Variants in CNTNAP4 observed in about 807,000 individuals in gnomAD.
CNTNAP4 encodes the protein contactin-associated protein-like 4.
In CNTNAP4, 98 loss-of-function variants were observed where a neutral mutation model predicts 148.4. That is an observed-to-expected ratio of 0.66 (90% CI 0.56 to 0.78). CNTNAP4 has a LOEUF of 0.78. CNTNAP4 is among the 30% of genes least tolerant of loss of function. CNTNAP4 has a pLI of 0.00. For synonymous variants in CNTNAP4, 730 were observed against 565.1 expected, an observed-to-expected ratio of 1.29 and a Z score of -4.14; for missense variants, 1,935 against 1,565.6, an observed-to-expected ratio of 1.24 and a Z score of -3.98.
At chr16:76,438,924 G>A (rs150895587) in intron 4 of CNTNAP4, among the ~76,000 whole-genome samples, 92 of 152,172 alleles carry the variant, frequency 6.0e-4, no homozygotes, top group African/African-American at 2.1e-3. Context: ...CTGTACATGT[G>A]TACATTTGTA....
chr16:76,395,356 C>T (rs372285039), intron 3 of CNTNAP4, among the ~76,000 whole-genome samples: 2 of 151,368 alleles, frequency 1.3e-5, no homozygotes, highest in African/African-American at 4.9e-5. Flanking sequence ...ACCTCTGCCT[C>T]CAGGGTTCAA....
chr16:76,399,695 AC>A (rs2078334686), intron 3 of CNTNAP4, among the ~76,000 whole-genome samples: 1 of 152,196 alleles, frequency 6.6e-6, no homozygotes, highest in Non-Finnish European at 1.5e-5. Flanking sequence ...ATCATTAAAA[AC>A]TGGTAATAGA....
chr16:76,462,044 T>A lies in CNTNAP4; in HGVS notation c.1422T>A (p.Ala474=). The A allele has an allele frequency of 6.2e-7, 1 of 1,613,860 alleles. No homozygotes were observed. The highest frequency in any genetic ancestry group is 2.2e-5 in the East Asian group (1 of 44,858). ...HLSVAVDGQM[A]SAAPLLGPEQ... Reference sequence around the variant, plus strand: ...GTGTGGCGGTGGACGGCCAGATGGCTTCTGCTGCTCCTCTGCTGGGGCCTG... The same window carrying A: ...GTGTGGCGGTGGACGGCCAGATGGCATCTGCTGCTCCTCTGCTGGGGCCTG... Residue 474 remains alanine (A), a synonymous_variant, in exon 9 of 24, where the codon GCT becomes GCA. Coordinates refer to ENST00000611870, the MANE Select transcript of CNTNAP4 (RefSeq NM_033401.5).
rs763592513 is a variant in CNTNAP4 at position 76,522,108 on chromosome 16, C to T, written c.2606C>T (p.Thr869Ile). The change falls in exon 17 of 24, where the codon ACC (threonine) becomes ATC (isoleucine). Residue 869 changes from threonine (T) to isoleucine (I), a missense_variant. Thr to Ile is a moderately conservative substitution (Grantham distance 89). Coordinates refer to ENST00000611870, the MANE Select transcript of CNTNAP4 (RefSeq NM_033401.5). ...TTTGAAATCTCAGTGCAGTCACCCA[C>T]CCACTTCAACGACAACCAGTGGCAC... ...GPFEISVQSPTHFNDNQWHHV... is the reference protein window; with the variant it reads ...GPFEISVQSPIHFNDNQWHHV... 14 of 1,613,788 alleles carry T rather than the reference C, an allele frequency of 8.7e-6. No homozygotes were observed. Among genetic ancestry groups the T allele is most frequent in the Non-Finnish European group, 1.1e-5 (13 of 1,179,862 alleles).
At chr16:76,345,223 G>T (rs1964804820) in intron 2 of CNTNAP4, among the ~76,000 whole-genome samples, 1 of 152,108 alleles carries the variant, frequency 6.6e-6, no homozygotes. Context: ...CCACTTATCA[G>T]GAAGAATTCC....
At chr16:76,306,692 G>A (rs186989053) in intron 1 of CNTNAP4, among the ~76,000 whole-genome samples, 2 of 152,232 alleles carry the variant, frequency 1.3e-5, no homozygotes, top group East Asian at 1.9e-4. Flanking sequence ...ACTAATTTTC[G>A]AGGTGGTGCA....
At chr16:76,463,942 C>G (rs2081080613) in intron 9 of CNTNAP4, among the ~76,000 whole-genome samples, 1 of 151,950 alleles carries the variant, frequency 6.6e-6, no homozygotes, top group Non-Finnish European at 1.5e-5. Context: ...ACTTAGGTAT[C>G]TCTGTTTATT....
intron 17 of CNTNAP4, among the ~76,000 whole-genome samples, chr16:76,531,247 G>T (rs1418627787): frequency 6.6e-6 from 1 of 152,088 alleles, no homozygotes; most frequent in Non-Finnish European, 1.5e-5. Context: ...TAATCTCAAA[G>T]GTCTTTCTGC....
intron 11 of CNTNAP4, among the ~76,000 whole-genome samples, chr16:76,477,566 G>T (rs991900953): frequency 1.3e-5 from 2 of 152,082 alleles, no homozygotes; most frequent in Non-Finnish European, 2.9e-5. Context: ...ATCATCAAGA[G>T]AATCTCTCAG....
rs148166920 is a variant in CNTNAP4, at chr16:76,346,200, C to T, written c.197-9118C>T. On this transcript the variant is annotated intron_variant, in intron 2 of 23. Coordinates refer to ENST00000611870, the MANE Select transcript of CNTNAP4 (RefSeq NM_033401.5). Reference sequence around the variant, plus strand: ...ATAATGCTATACGAATGTGTTCTAGCATTTTACTAATTGGGGAAATATTAA... The same window carrying T: ...ATAATGCTATACGAATGTGTTCTAGTATTTTACTAATTGGGGAAATATTAA... Among the ~76,000 whole-genome samples the T allele has an allele frequency of 8.7e-3, 1,326 of 152,208 alleles. 24 individuals are homozygous for T. Among genetic ancestry groups the T allele is most frequent in the African/African-American group, 0.03 (1,257 of 41,546 alleles).
At chr16:76,417,669 C>A (rs932173219) in intron 3 of CNTNAP4, among the ~76,000 whole-genome samples, 7 of 151,458 alleles carry the variant, frequency 4.6e-5, no homozygotes, top group African/African-American at 1.7e-4. Context: ...AATGATCTTA[C>A]TTCTTTTATT....
Position 76,482,775 on chromosome 16 carries a change from GCACTGCAGGTGCTTCTCATCCAGTGCAAC to G in CNTNAP4, c.1882+3243_1882+3271del, listed in dbSNP as rs1473485805. ...CCTGTGCAGTACAAATGCCCAGACA[GCACTGCAGGTGCTTCTCATCCAGTGCAAC>G]CACTGAGTTGGGCCAATGGAAATAA... On this transcript the variant is annotated intron_variant, in intron 12 of 23. Transcript: ENST00000611870. Among the ~76,000 whole-genome samples the G allele has an allele frequency of 2.4e-4, 37 of 152,168 alleles. 1 individual carries two copies. Among genetic ancestry groups the G allele is most frequent in the Non-Finnish European group, 2.1e-4 (14 of 68,036 alleles).
chr16:76,442,481 T>A (rs1309302679), intron 4 of CNTNAP4, among the ~76,000 whole-genome samples: 1 of 151,978 alleles, frequency 6.6e-6, no homozygotes, highest in Non-Finnish European at 1.5e-5. Flanking sequence ...AAAATAGAGG[T>A]TTATTTAGCT....
chr16:76,515,354 C>A (rs921702448), intron 15 of CNTNAP4, among the ~76,000 whole-genome samples: 4 of 152,098 alleles, frequency 2.6e-5, no homozygotes, highest in Admixed American at 2.6e-4. Flanking sequence ...TTAAGGAGAT[C>A]ATTAAGGTAA....
intron 6 of CNTNAP4, 27 bp from the exon 7 acceptor site, chr16:76,449,688 A>T: frequency 6.5e-7 from 1 of 1,533,078 alleles, no homozygotes; most frequent in Non-Finnish European, 8.8e-7. Flanking sequence ...ACTAAACAAT[A>T]TTATTGATGC....
At chr16:76,521,999 A>G (rs2144108129) in intron 16 of CNTNAP4, 40 bp from the exon 17 acceptor site, 1 of 1,585,770 alleles carries the variant, frequency 6.3e-7, no homozygotes, top group Non-Finnish European at 8.7e-7. Flanking sequence ...ACTTCGCCAT[A>G]GGAACTCACT....
chr16:76,312,304 G>A (rs1961213177), intron 1 of CNTNAP4, among the ~76,000 whole-genome samples: 2 of 152,158 alleles, frequency 1.3e-5, no homozygotes, highest in African/African-American at 4.8e-5. Flanking sequence ...ATATTTCTTG[G>A]AAGTGGGGAG....
chr16:76,415,872 T>G (rs1045375117), intron 3 of CNTNAP4, among the ~76,000 whole-genome samples: 3 of 151,318 alleles, frequency 2.0e-5, no homozygotes, highest in Non-Finnish European at 3.0e-5. Context: ...TGTTGTTGAG[T>G]ACATCATCAG....
At chr16:76,541,796 A>G (rs989451355) in intron 21 of CNTNAP4, among the ~76,000 whole-genome samples, 2 of 152,196 alleles carry the variant, frequency 1.3e-5, no homozygotes, top group African/African-American at 4.8e-5. Flanking sequence ...ATGTGTTCTT[A>G]TTCTCCAAAC....
Sources: gnomAD v4.1 joint callset for allele counts (sites outside exome capture counted in the v4.1 genomes callset) on GRCh38, gnomAD v4.1.1 for gene constraint, MANE v1.5 for transcripts, NCBI Gene and HGNC (gene_info 2026-07-23, HGNC 2026-07-21) for gene names.